CYB5R4: variants seen among roughly 807,000 people sequenced by gnomAD.
CYB5R4 encodes the protein N-terminal cytochrome b5 and cytochrome b5 oxidoreductase domain-containing protein.
A neutral mutation model predicts 70.2 loss-of-function variants in CYB5R4; 55 were observed. The observed-to-expected ratio is 0.78, with a 90% CI of 0.63 to 0.98. CYB5R4 has a LOEUF of 0.98. CYB5R4 is among the 50% of genes least tolerant of loss of function. The pLI is 0.00. For synonymous variants in CYB5R4, 197 were observed against 199.5 expected (o/e 0.99, Z 0.11); for missense variants, 562 against 612.6 (o/e 0.92, Z 0.87).
rs2099473485 is a variant in CYB5R4 at position 83,962,467 on chromosome 6, A to C, written c.*2589A>C. On this transcript the variant is annotated 3_prime_UTR_variant, in exon 16 of 16. Transcript: ENST00000369681. ...GTGAAGAAGAATTACGCTCAAAGTC[A>C]CATTTGCTTGCAAATTCTGCTTTTT... is the stretch of plus-strand genomic sequence containing the variant. 1 of 152,232 alleles carries C rather than the reference A, an allele frequency of 6.6e-6. No individual in the cohort carries two copies. The highest frequency in any genetic ancestry group is 1.5e-5 in the Non-Finnish European group (1 of 68,044). The allele number at this position is 152,232 out of a possible 1,614,324, so 9.4% of individuals were successfully genotyped here. A position where few individuals can be genotyped will look rare whatever the true frequency, so the allele number is the denominator to read the frequency against.
At chr6:83,913,432 A>G (rs2099465006) in intron 4 of CYB5R4, among the ~76,000 whole-genome samples, 1 of 152,030 alleles carries the variant, frequency 6.6e-6, no homozygotes, top group African/African-American at 2.4e-5. Flanking sequence ...AAGTCCTTTG[A>G]CCTCTGATTT....
intron 5 of CYB5R4, 35 bp from the exon 6 acceptor site, chr6:83,917,970 T>C: frequency 6.5e-7 from 1 of 1,545,604 alleles, no homozygotes; most frequent in Non-Finnish European, 8.9e-7. Flanking sequence ...TAAAAATACT[T>C]TGTAGATGAA....
In CYB5R4 at chr6:83,936,364, C is replaced by T. The variant is rs146405277; in HGVS notation, c.1096C>T (p.Arg366Cys). 18 of 1,610,784 alleles carry T rather than the reference C, an allele frequency of 1.1e-5. No individual in the cohort carries two copies. Among genetic ancestry groups the T allele is most frequent in the Middle Eastern group, 1.6e-4 (1 of 6,074 alleles). Residue 366 changes from arginine to cysteine, a missense_variant, in exon 12 of 16, where the codon CGT becomes TGT. Coordinates refer to ENST00000369681, the MANE Select transcript of CYB5R4 (RefSeq NM_016230.4). Reference protein sequence around the residue: ...PTGLFTPELDRLQIGDFVSVS... With the variant: ...PTGLFTPELDCLQIGDFVSVS... ...TGGACTCTTCACACCAGAGCTTGAT[C>T]GTCTTCAGATTGGTTAGTATTTTTA...
At chr6:83,947,235 G>A (rs118125656) in intron 14 of CYB5R4, among the ~76,000 whole-genome samples, 1 of 151,976 alleles carries the variant, frequency 6.6e-6, no homozygotes, top group East Asian at 1.9e-4. Flanking sequence ...CAGAATACAG[G>A]TCTCAGAAAT....
chr6:83,939,845 T>C (rs2099469481), intron 12 of CYB5R4, among the ~76,000 whole-genome samples: 1 of 152,200 alleles, frequency 6.6e-6, no homozygotes, highest in African/African-American at 2.4e-5. Context: ...TGTAATGATA[T>C]AATTCAGACA....
chr6:83,922,515 A>G (rs2099466541), intron 9 of CYB5R4, 45 bp downstream of exon 9: 6 of 1,356,912 alleles, frequency 4.4e-6, no homozygotes. Context: ...GTACATATAC[A>G]CATACCTACA....
rs575178034 is a variant in CYB5R4 at position 83,859,705 on chromosome 6, C to G, written c.-78C>G. On this transcript the variant is annotated 5_prime_UTR_variant, in exon 1 of 16. Coordinates refer to ENST00000369681, the MANE Select transcript of CYB5R4 (RefSeq NM_016230.4). ...GTGGGTCGGGGGCTTGGCCTCTGCC[C>G]GGCCACAGAGCCGGAGCTGGAGGTG... 4.4e-5 allele frequency: 67 copies of G among 1,522,384 alleles called. No individual in the cohort carries two copies. In the South Asian group the frequency reaches 5.1e-4, roughly 12 times the overall value. The allele number at this position is 1,522,384 out of a possible 1,614,324, so 94.3% of individuals were successfully genotyped here. A position where few individuals can be genotyped will look rare whatever the true frequency, so the allele number is the denominator to read the frequency against.
intron 10 of CYB5R4, 40 bp from the exon 11 acceptor site, chr6:83,934,555 T>G (rs1452376447): frequency 6.8e-7 from 1 of 1,475,504 alleles, no homozygotes; most frequent in South Asian, 1.2e-5. Context: ...TACTTCTTAT[T>G]ACTTTATGTA....
chr6:83,934,543 ATTAC>A, intron 10 of CYB5R4, 48 bp from the exon 11 acceptor site: 1 of 1,377,728 alleles, frequency 7.3e-7, no homozygotes, highest in African/African-American at 1.4e-5. Flanking sequence ...GTGGTTTAGT[ATTAC>A]TTCTTATTAC....
At chr6:83,859,899 C>T (rs2099455668) in intron 1 of CYB5R4, 42 bp downstream of exon 1, 6 of 1,559,098 alleles carry the variant, frequency 3.8e-6, no homozygotes, top group Non-Finnish European at 4.4e-6. Context: ...CGCTGCGTTT[C>T]GAGCTCTGGC....
intron 2 of CYB5R4, among the ~76,000 whole-genome samples, chr6:83,867,592 G>A (rs1236719727): frequency 6.6e-6 from 1 of 152,224 alleles, no homozygotes; most frequent in Admixed American, 6.5e-5. Context: ...GAACCAGGAT[G>A]TTGACAAAGG....
At chr6:83,870,011 T>A (rs949494225) in intron 2 of CYB5R4, among the ~76,000 whole-genome samples, 2 of 152,170 alleles carry the variant, frequency 1.3e-5, no homozygotes, top group African/African-American at 2.4e-5. Flanking sequence ...CAGACCTGAG[T>A]TATAGTGAGT....
intron 3 of CYB5R4, among the ~76,000 whole-genome samples, chr6:83,908,109 A>G (rs899011632): frequency 6.6e-6 from 1 of 152,150 alleles, no homozygotes; most frequent in Non-Finnish European, 1.5e-5. Flanking sequence ...TTGTATAAAC[A>G]TCCTCTTTTC....
intron 3 of CYB5R4, among the ~76,000 whole-genome samples, chr6:83,897,629 C>T (rs908182234): frequency 6.6e-6 from 1 of 152,200 alleles, no homozygotes; most frequent in African/African-American, 2.4e-5. Flanking sequence ...TTTTGAGTTG[C>T]ATTTCTCTGA....
intron 2 of CYB5R4, among the ~76,000 whole-genome samples, chr6:83,885,144 GA>G (rs1169816441): frequency 6.6e-6 from 1 of 152,104 alleles, no homozygotes; most frequent in Non-Finnish European, 1.5e-5. Flanking sequence ...CTATGTTTAT[GA>G]AAAATAGAAA....
chr6:83,950,224 T>G (rs989870193), intron 14 of CYB5R4, among the ~76,000 whole-genome samples: 1 of 152,172 alleles, frequency 6.6e-6, no homozygotes, highest in Non-Finnish European at 1.5e-5. Context: ...TTTATCCAAA[T>G]GTGTTATTAA....
chr6:83,925,644 A>C (rs1450268956), intron 10 of CYB5R4, among the ~76,000 whole-genome samples: 1 of 152,204 alleles, frequency 6.6e-6, no homozygotes, highest in Non-Finnish European at 1.5e-5. Context: ...GTGCCAGAAC[A>C]TGGATGATTT....
chr6:83,936,512 C>A, intron 12 of CYB5R4, 136 bp downstream of exon 12: 1 of 721,656 alleles, frequency 1.4e-6, no homozygotes, highest in Admixed American at 3.3e-5. Context: ...TTCTCCTTGT[C>A]CTACACAGCG....
chr6:83,916,816 C>T (rs2099465591), intron 5 of CYB5R4, among the ~76,000 whole-genome samples: 1 of 152,184 alleles, frequency 6.6e-6, no homozygotes, highest in Non-Finnish European at 1.5e-5. Flanking sequence ...AACCTCTAAA[C>T]TGTCTTGTCC....
Sources: gnomAD v4.1 joint callset for allele counts (sites outside exome capture counted in the v4.1 genomes callset) on GRCh38, gnomAD v4.1.1 for gene constraint, MANE v1.5 for transcripts, NCBI Gene and HGNC (gene_info 2026-07-23, HGNC 2026-07-21) for gene names.